Variants in MGAT4C observed in about 807,000 individuals in gnomAD.
MGAT4C encodes the protein MGAT4 family member C, also known as alpha-1,3-mannosyl-glycoprotein 4-beta-N-acetylglucosaminyltransferase C.
A neutral mutation model predicts 40.1 loss-of-function variants in MGAT4C; 19 were observed. That is an observed-to-expected ratio of 0.47 (90% CI 0.33 to 0.70). The LOEUF (loss-of-function observed/expected upper bound fraction) is 0.70, where lower values mean the gene tolerates loss of function less well. Among genes scored for constraint, MGAT4C ranks in the 30% least tolerant of loss-of-function variants. The pLI, the probability that MGAT4C is intolerant of heterozygous loss-of-function variation, is 0.02. For synonymous variants in MGAT4C, 181 were observed against 187.1 expected, an observed-to-expected ratio of 0.97 and a Z score of 0.27; for missense variants, 491 against 563.2, an observed-to-expected ratio of 0.87 and a Z score of 1.30.
chr12:86,152,125 G>T (rs1013536872), intron 1 of MGAT4C, among the ~76,000 whole-genome samples: 1 of 152,086 alleles, frequency 6.6e-6, no homozygotes, highest in African/African-American at 2.4e-5. Context: ...TGACAGATGG[G>T]GCTCCTTCCA....
chr12:86,804,969 A>T (rs544416910), intron 1 of MGAT4C, among the ~76,000 whole-genome samples: 31 of 152,148 alleles, frequency 2.0e-4, no homozygotes, highest in African/African-American at 7.2e-4. Flanking sequence ...ACTTTTGCAG[A>T]AGTAAGATTA....
At chr12:86,065,542 T>C (rs922658814) in intron 1 of MGAT4C, among the ~76,000 whole-genome samples, 1 of 152,190 alleles carries the variant, frequency 6.6e-6, no homozygotes, top group African/African-American at 2.4e-5. Flanking sequence ...ATAAACTAGG[T>C]ATTGATGGAA....
At chr12:86,197,949 T>C (rs1055565467) in intron 1 of MGAT4C, among the ~76,000 whole-genome samples, 1 of 152,098 alleles carries the variant, frequency 6.6e-6, no homozygotes, top group Non-Finnish European at 1.5e-5. Flanking sequence ...AATTTATACT[T>C]GACCAGAAAT....
intron 2 of MGAT4C, among the ~76,000 whole-genome samples, chr12:86,719,396 T>C (rs190040746): frequency 6.6e-6 from 1 of 152,306 alleles, no homozygotes; most frequent in Admixed American, 6.5e-5. Flanking sequence ...AAGAGACAAG[T>C]TATCTGCCCA....
At chr12:86,273,548 C>T (rs1952999069) in intron 4 of MGAT4C, among the ~76,000 whole-genome samples, 1 of 152,070 alleles carries the variant, frequency 6.6e-6, no homozygotes, top group African/African-American at 2.4e-5. Context: ...CATACATAAT[C>T]TTTAATTTTA....
upstream of MGAT4C, among the ~76,000 whole-genome samples, chr12:86,259,908 T>TTTC (rs1952624325): frequency 2.1e-4 from 1 of 4,862 alleles, no homozygotes; most frequent in Admixed American, 2.1e-3. Flanking sequence ...TTTTGTTTTT[T>TTTC]CCTTTTTTTG....
chr12:86,419,408 A>G (rs1342509307), intron 3 of MGAT4C, among the ~76,000 whole-genome samples: 1 of 151,212 alleles, frequency 6.6e-6, no homozygotes, highest in Non-Finnish European at 1.5e-5. Flanking sequence ...ATATCCATAC[A>G]TACATAAATT....
rs1883298094 is a variant in MGAT4C, at chr12:85,965,261, T to C, written c.*14028A>G. Reference sequence around the variant, plus strand: ...TAAAATTTATTGCTTGTAAGATTTGTTTTTTGTTCTCTTACTATTATGAAA... The same window carrying C: ...TAAAATTTATTGCTTGTAAGATTTGCTTTTTGTTCTCTTACTATTATGAAA... On this transcript the variant is annotated 3_prime_UTR_variant, in exon 5 of 5. Coordinates refer to ENST00000611864, the MANE Select transcript of MGAT4C (RefSeq NM_001351288.2). 6.6e-6 allele frequency: 1 copy of C among 152,060 alleles called. No homozygotes were observed. Among genetic ancestry groups the C allele is most frequent in the Non-Finnish European group, 1.5e-5 (1 of 68,008 alleles). 9.4% of individuals were successfully genotyped at this position (152,060 alleles called of 1,614,324 possible). A position where few individuals can be genotyped will look rare whatever the true frequency, so the allele number is the denominator to read the frequency against.
chr12:86,602,433 G>C (rs1961819306), intron 2 of MGAT4C, among the ~76,000 whole-genome samples: 1 of 152,166 alleles, frequency 6.6e-6, no homozygotes, highest in Admixed American at 6.5e-5. Flanking sequence ...TGTGCTCTAA[G>C]CACTGGAAAT....
At chr12:86,737,622 C>A (rs1473539478) in intron 1 of MGAT4C, among the ~76,000 whole-genome samples, 1 of 151,304 alleles carries the variant, frequency 6.6e-6, no homozygotes, top group African/African-American at 2.4e-5. Flanking sequence ...TCCAAACTTA[C>A]TTGTACAACT....
intron 1 of MGAT4C, among the ~76,000 whole-genome samples, chr12:86,127,600 CACTT>C (rs1236889300): frequency 6.6e-6 from 1 of 152,062 alleles, no homozygotes; most frequent in Non-Finnish European, 1.5e-5. Flanking sequence ...TTTATAATGA[CACTT>C]AGCTGAAAAC....
intron 2 of MGAT4C, among the ~76,000 whole-genome samples, chr12:86,451,301 T>C (rs1257747421): frequency 6.6e-6 from 1 of 152,272 alleles, no homozygotes; most frequent in Non-Finnish European, 1.5e-5. Flanking sequence ...ACCTCCATGA[T>C]TGAAACCTGG....
intron 2 of MGAT4C, among the ~76,000 whole-genome samples, chr12:86,486,044 G>A (rs1317562913): frequency 2.6e-5 from 4 of 151,960 alleles, no homozygotes; most frequent in East Asian, 1.9e-4. Flanking sequence ...ATCCATTATC[G>A]CTAGACAAGC....
At chr12:86,636,390 AG>A (rs1963220328) in intron 2 of MGAT4C, among the ~76,000 whole-genome samples, 2 of 152,056 alleles carry the variant, frequency 1.3e-5, no homozygotes, top group Non-Finnish European at 2.9e-5. Flanking sequence ...ATAGTACTCT[AG>A]GATGTTTGTG....
At chr12:86,519,427 G>A (rs1387671726) in intron 2 of MGAT4C, among the ~76,000 whole-genome samples, 2 of 152,164 alleles carry the variant, frequency 1.3e-5, no homozygotes, top group Non-Finnish European at 2.9e-5. Flanking sequence ...ACCCAGTAGT[G>A]AGATTGCTGG....
intron 1 of MGAT4C, among the ~76,000 whole-genome samples, chr12:86,753,717 C>A (rs537392993): frequency 1.3e-5 from 2 of 152,040 alleles, no homozygotes; most frequent in South Asian, 4.2e-4. Context: ...ATGGTTTGAA[C>A]ACTTTACAAA....
chr12:86,389,655 C>G (rs1299688422), intron 3 of MGAT4C, among the ~76,000 whole-genome samples: 4 of 152,138 alleles, frequency 2.6e-5, no homozygotes, highest in African/African-American at 9.7e-5. Flanking sequence ...TTTACCCTAA[C>G]AGTGTATAAC....
chr12:86,432,758 C>G (rs940614674), intron 3 of MGAT4C, among the ~76,000 whole-genome samples: 5 of 152,030 alleles, frequency 3.3e-5, no homozygotes, highest in Non-Finnish European at 7.4e-5. Context: ...TACAAAATAT[C>G]TCTCTAAAAA....
intron 2 of MGAT4C, among the ~76,000 whole-genome samples, chr12:86,449,151 T>G (rs1957385030): frequency 6.6e-6 from 1 of 152,178 alleles, no homozygotes; most frequent in Admixed American, 6.6e-5. Context: ...GTAACAATGC[T>G]GAATAAGTAA....
Sources: allele counts gnomAD v4.1 joint callset (sites outside exome capture counted in the v4.1 genomes callset), GRCh38; gene constraint gnomAD v4.1.1; transcripts MANE v1.5; gene names NCBI Gene and HGNC (gene_info 2026-07-23, HGNC 2026-07-21).